The following PICALM variants were observed in gnomAD, a reference collection of about 807,000 sequenced individuals.
PICALM encodes phosphatidylinositol-binding clathrin assembly protein.
PICALM carries 40 observed loss-of-function variants against 80.5 expected under a neutral mutation model. The ratio of observed to expected loss-of-function variants is 0.50; its 90% CI spans 0.39 to 0.65. PICALM has a LOEUF of 0.65. PICALM is among the 30% of genes least tolerant of loss of function. The pLI is 0.00. For missense variants in PICALM, 676 were observed against 778.9 expected, an observed-to-expected ratio of 0.87 and a Z score of 1.57; for synonymous variants, 288 against 260.3, an observed-to-expected ratio of 1.11 and a Z score of -1.02.
At chr11:86,009,991 GAAT>G (rs1196717769) in intron 7 of PICALM, among the ~76,000 whole-genome samples, 1 of 152,122 alleles carries the variant, frequency 6.6e-6, no homozygotes, top group African/African-American at 2.4e-5. Flanking sequence ...ATCTAATATA[GAAT>G]AATATATCAC....
rs34885729 is a variant in PICALM at position 85,961,855 on chromosome 11, C to CTATTTATTTATT, written c.1945-2807_1945-2796dup. Reference sequence around the variant, plus strand: ...GCCAAGTGATTTCATTTCTTTCTACCTATTTATTTATTTATTTATTTATTT... The same window carrying CTATTTATTTATT: ...GCCAAGTGATTTCATTTCTTTCTACCTATTTATTTATTTATTTATTTATTTATTTATTTATTT... On this transcript the variant is annotated intron_variant, in intron 19 of 19. Transcript: ENST00000393346. Among the ~76,000 whole-genome samples, 214 of 149,474 alleles carry CTATTTATTTATT rather than the reference C, an allele frequency of 1.4e-3. 1 individual carries two copies. The highest frequency in any genetic ancestry group is 3.1e-3 in the African/African-American group (126 of 40,628).
At chr11:86,043,774 G>A (rs1468102255) in intron 1 of PICALM, among the ~76,000 whole-genome samples, 2 of 152,164 alleles carry the variant, frequency 1.3e-5, no homozygotes, top group Non-Finnish European at 1.5e-5. Flanking sequence ...AAAGTTTTTC[G>A]TTAAGAGCCA....
chr11:86,008,950 GC>G (rs1392281555), intron 7 of PICALM, among the ~76,000 whole-genome samples: 12 of 34,338 alleles, frequency 3.5e-4, no homozygotes, highest in Middle Eastern at 0.015. Context: ...AAAAAAAAAA[GC>G]CAAAAAAAAA....
chr11:86,012,707 T>C (rs1239872156), intron 5 of PICALM, among the ~76,000 whole-genome samples: 1 of 152,140 alleles, frequency 6.6e-6, no homozygotes, highest in Non-Finnish European at 1.5e-5. Context: ...AGTTCTTTTT[T>C]AGCACATGAA....
At chr11:86,054,124 A>G (rs2096234826) in intron 1 of PICALM, among the ~76,000 whole-genome samples, 1 of 152,244 alleles carries the variant, frequency 6.6e-6, no homozygotes, top group African/African-American at 2.4e-5. Context: ...ATGAGTTCAC[A>G]GTATGCCTGA....
chr11:86,032,118 G>A (rs2095761609), intron 1 of PICALM, among the ~76,000 whole-genome samples: 1 of 152,076 alleles, frequency 6.6e-6, no homozygotes, highest in African/African-American at 2.4e-5. Flanking sequence ...AGATAACAGG[G>A]CAGAGATCTG....
chr11:86,034,728 T>C (rs2095812448), intron 1 of PICALM, among the ~76,000 whole-genome samples: 1 of 151,650 alleles, frequency 6.6e-6, no homozygotes, highest in South Asian at 2.1e-4. Flanking sequence ...TTTACAAAGA[T>C]TTCCAATATT....
intron 1 of PICALM, among the ~76,000 whole-genome samples, chr11:86,032,640 T>C (rs968364702): frequency 1.3e-5 from 2 of 151,958 alleles, no homozygotes; most frequent in Non-Finnish European, 1.5e-5. Flanking sequence ...AAAAATGTAA[T>C]ATAATATAAT....
At chr11:86,058,734 C>T (rs984056142) in intron 1 of PICALM, among the ~76,000 whole-genome samples, 1 of 152,094 alleles carries the variant, frequency 6.6e-6, no homozygotes. Flanking sequence ...GTTAAGTGTG[C>T]TTTATCCCTT....
At chr11:86,049,697 T>C (rs919667834) in intron 1 of PICALM, among the ~76,000 whole-genome samples, 14 of 151,728 alleles carry the variant, frequency 9.2e-5, no homozygotes, top group South Asian at 2.1e-4. Context: ...CCTCCCAAAG[T>C]GCAGGGGTTA....
chr11:86,061,061 G>A (rs1452855862), intron 1 of PICALM, among the ~76,000 whole-genome samples: 1 of 152,122 alleles, frequency 6.6e-6, no homozygotes, highest in Admixed American at 6.5e-5. Flanking sequence ...GGGCTCAGTG[G>A]CTCATGCCTG....
chr11:85,978,177 G>T, intron 17 of PICALM: 1 of 1,154,670 alleles, frequency 8.7e-7, no homozygotes, highest in South Asian at 1.2e-5. Flanking sequence ...TACACAGAGA[G>T]CATTTTAGTT....
intron 13 of PICALM, among the ~76,000 whole-genome samples, chr11:85,987,860 G>C (rs1165774217): frequency 2.0e-5 from 3 of 152,202 alleles, no homozygotes; most frequent in Admixed American, 2.0e-4. Flanking sequence ...GTAAACTTCA[G>C]GACAATCCTG....
chr11:86,055,306 G>GACA (rs146768682), intron 1 of PICALM, among the ~76,000 whole-genome samples: 121,167 of 148,790 alleles, frequency 0.81, 49,507 homozygotes, highest in African/African-American at 0.88. Flanking sequence ...CTCCAGCCTG[G>GACA]ACAAGAGCAA....
At chr11:85,998,736 C>T (rs1373418192) in intron 11 of PICALM, among the ~76,000 whole-genome samples, 3 of 152,052 alleles carry the variant, frequency 2.0e-5, no homozygotes, top group Non-Finnish European at 4.4e-5. Context: ...CATGGCTGTG[C>T]CACTGCACTC....
At chr11:86,032,500 TGG>T (rs1477440371) in intron 1 of PICALM, among the ~76,000 whole-genome samples, 2 of 151,970 alleles carry the variant, frequency 1.3e-5, no homozygotes, top group Non-Finnish European at 2.9e-5. Flanking sequence ...GTGGCGGGCA[TGG>T]GTAATCCCAG....
chr11:86,041,912 G>C (rs2095976845), intron 1 of PICALM, among the ~76,000 whole-genome samples: 2 of 152,162 alleles, frequency 1.3e-5, no homozygotes, highest in African/African-American at 4.8e-5. Context: ...GGAATACTCT[G>C]ACTTCACTGC....
chr11:85,957,985 T>C lies in PICALM; in HGVS notation c.*1061A>G, dbSNP rs544153970. ...ATTTAAAAGGTATATGATCATAACA[T>C]GGCACGAGCCAAAGAAAATGTTCAA... On this transcript the variant is annotated 3_prime_UTR_variant, in exon 20 of 20. Coordinates refer to ENST00000393346, the MANE Select transcript of PICALM (RefSeq NM_007166.4). The C allele has an allele frequency of 1.3e-5, 3 of 225,336 alleles. No homozygotes were observed. The highest frequency in any genetic ancestry group is 6.5e-5 in the East Asian group (1 of 15,460). 14.0% of individuals were successfully genotyped at this position (225,336 alleles called of 1,614,324 possible).
chr11:86,037,102 C>T (rs995458256), intron 1 of PICALM, among the ~76,000 whole-genome samples: 3 of 151,424 alleles, frequency 2.0e-5, no homozygotes, highest in East Asian at 1.9e-4. Flanking sequence ...CCCGCCACCA[C>T]GCCCAGCTAA....
Sources: allele counts gnomAD v4.1 joint callset (sites outside exome capture counted in the v4.1 genomes callset), GRCh38; gene constraint gnomAD v4.1.1; transcripts MANE v1.5; gene names NCBI Gene and HGNC (gene_info 2026-07-23, HGNC 2026-07-21).